Variants in PREP observed in about 807,000 individuals in gnomAD.
PREP encodes the protein dJ355L5.1 (prolyl endopeptidase).
A neutral mutation model predicts 87.6 loss-of-function variants in PREP; 29 were observed. The observed-to-expected ratio is 0.33, with a 90% CI of 0.25 to 0.45. The LOEUF (loss-of-function observed/expected upper bound fraction) is 0.45, where lower values mean the gene tolerates loss of function less well. PREP is among the 20% of genes least tolerant of loss of function. PREP has a pLI of 1.00. For missense variants in PREP, 695 were observed against 886.5 expected, an observed-to-expected ratio of 0.78 and a Z score of 2.74; for synonymous variants, 337 against 328.6, an observed-to-expected ratio of 1.03 and a Z score of -0.28.
At chr6:105,399,806 A>C (rs1773378139) in intron 1 of PREP, among the ~76,000 whole-genome samples, 1 of 152,206 alleles carries the variant, frequency 6.6e-6, no homozygotes, top group African/African-American at 2.4e-5. Context: ...AGCAGGGATA[A>C]GGCTGGGTAA....
intron 9 of PREP, among the ~76,000 whole-genome samples, chr6:105,326,532 G>T (rs1771164308): frequency 6.6e-6 from 1 of 152,196 alleles, no homozygotes; most frequent in Non-Finnish European, 1.5e-5. Context: ...CAGGAAGCTG[G>T]AGCTGCAGTT....
intron 10 of PREP, among the ~76,000 whole-genome samples, chr6:105,308,885 G>GT (rs1156839117): frequency 6.6e-6 from 1 of 152,168 alleles, no homozygotes; most frequent in Non-Finnish European, 1.5e-5. Flanking sequence ...GGAGATACGG[G>GT]TAAGTGAGTG....
chr6:105,342,412 C>T (rs1032724959), intron 7 of PREP, among the ~76,000 whole-genome samples: 4 of 152,158 alleles, frequency 2.6e-5, no homozygotes, highest in African/African-American at 9.7e-5. Flanking sequence ...TATGACAAAT[C>T]CACAACCAAT....
intron 7 of PREP, among the ~76,000 whole-genome samples, chr6:105,337,999 T>TA (rs11341652): frequency 1.4e-4 from 21 of 151,562 alleles, no homozygotes; most frequent in East Asian, 5.8e-4. Flanking sequence ...AACAATGCTT[T>TA]AAAAAAAAAT....
At position 105,372,189 on chromosome 6, in the gene PREP, T is replaced by G. The variant is rs529414345; in HGVS notation, c.595+1180A>C. 2.0e-5 allele frequency among the ~76,000 whole-genome samples: 3 copies of G among 152,026 alleles called. No homozygotes were observed. The East Asian group carries it at 5.8e-4, about 29-fold the overall frequency. ...GAGATGAAAAACACTGTAGCCTTAT[T>G]CTCAATTCAATTGTGGGGGAAAAAA... is the stretch of plus-strand genomic sequence containing the variant. On this transcript the variant is annotated intron_variant, in intron 5 of 14. Transcript: ENST00000652536.
chr6:105,342,934 G>A (rs1202591508), intron 7 of PREP, among the ~76,000 whole-genome samples: 2 of 152,160 alleles, frequency 1.3e-5, no homozygotes, highest in Non-Finnish European at 2.9e-5. Flanking sequence ...TCAATATTGT[G>A]AAAATGGCCA....
chr6:105,376,756 T>C lies in PREP; in HGVS notation c.255-501A>G, dbSNP rs576749751. 4.6e-5 allele frequency among the ~76,000 whole-genome samples: 7 copies of C among 152,290 alleles called. No homozygotes were observed. In the South Asian group the frequency reaches 1.0e-3, roughly 23 times the overall value. ...TGTAGCTGCAGCACAAAAGCAGCTATGGACAATACGTAAACCGATAAGCAT... is the reference window on the plus strand; with the variant it reads ...TGTAGCTGCAGCACAAAAGCAGCTACGGACAATACGTAAACCGATAAGCAT... On this transcript the variant is annotated intron_variant, in intron 3 of 14. Transcript: ENST00000652536.
chr6:105,385,739 T>C (rs1476277673), intron 2 of PREP, among the ~76,000 whole-genome samples: 1 of 152,254 alleles, frequency 6.6e-6, no homozygotes, highest in African/African-American at 2.4e-5. Flanking sequence ...CTTTGCTAAA[T>C]GGCTCAAAAA....
chr6:105,354,784 C>A (rs2114686327), intron 6 of PREP, among the ~76,000 whole-genome samples: 1 of 150,778 alleles, frequency 6.6e-6, no homozygotes, highest in Admixed American at 6.5e-5. Context: ...ATTCCTTAAA[C>A]AAATCCTCTC....
intron 2 of PREP, among the ~76,000 whole-genome samples, chr6:105,383,212 A>G (rs1377395711): frequency 6.6e-6 from 1 of 151,618 alleles, no homozygotes; most frequent in African/African-American, 2.4e-5. Context: ...GGAATAATGT[A>G]CTTTCCAAGG....
intron 7 of PREP, among the ~76,000 whole-genome samples, chr6:105,344,925 C>A (rs1771758448): frequency 6.6e-6 from 1 of 152,184 alleles, no homozygotes; most frequent in South Asian, 2.1e-4. Flanking sequence ...GAAGCATTAA[C>A]CTTAGCCATA....
At chr6:105,347,037 G>A (rs1297140559) in intron 7 of PREP, among the ~76,000 whole-genome samples, 2 of 150,128 alleles carry the variant, frequency 1.3e-5, no homozygotes, top group Non-Finnish European at 2.9e-5. Flanking sequence ...GAGGCGGAAG[G>A]TGCAGAAAAA....
At position 105,281,973 on chromosome 6, in the gene PREP, A is replaced by ATACT. The variant is rs1178907272; in HGVS notation, c.1682-75_1682-72dup. ...ACATCTACATAAACAAGGCAAGGCAATACTTACTTACATGCTTCCAGAGCC... is the reference window on the plus strand; with the variant it reads ...ACATCTACATAAACAAGGCAAGGCAATACTTACTTACTTACATGCTTCCAGAGCC... On this transcript the variant is annotated intron_variant, in intron 13 of 14. Coordinates refer to ENST00000652536, the MANE Select transcript of PREP (RefSeq NM_002726.5). 8.1e-5 allele frequency: 124 copies of ATACT among 1,537,332 alleles called. 1 individual carries two copies. Among genetic ancestry groups the ATACT allele is most frequent in the African/African-American group, 3.7e-4 (27 of 72,484 alleles).
At chr6:105,392,234 T>C (rs911437267) in intron 2 of PREP, among the ~76,000 whole-genome samples, 5 of 151,964 alleles carry the variant, frequency 3.3e-5, no homozygotes, top group Middle Eastern at 3.2e-3. Context: ...CAGATGGGGT[T>C]TCACTGTATT....
intron 10 of PREP, among the ~76,000 whole-genome samples, chr6:105,291,312 G>C (rs749053243): frequency 3.3e-5 from 5 of 152,120 alleles, no homozygotes; most frequent in Non-Finnish European, 7.4e-5. Flanking sequence ...TTCCTTTCAT[G>C]AAGGATTTCT....
chr6:105,280,624 C>T (rs1297712842), intron 14 of PREP: 1 of 151,640 alleles, frequency 6.6e-6, no homozygotes, highest in Non-Finnish European at 1.5e-5. Flanking sequence ...GAGACAGGGT[C>T]TTGGAATGCA....
intron 7 of PREP, among the ~76,000 whole-genome samples, chr6:105,336,170 G>C (rs994676355): frequency 1.3e-5 from 2 of 152,194 alleles, no homozygotes; most frequent in African/African-American, 4.8e-5. Context: ...TGAGGCAAGA[G>C]AATTGCTTGA....
chr6:105,340,433 A>T (rs938359304), intron 7 of PREP, among the ~76,000 whole-genome samples: 15 of 152,214 alleles, frequency 9.9e-5, no homozygotes, highest in Non-Finnish European at 1.8e-4. Context: ...AGACACTGCA[A>T]AAACATGCCA....
At chr6:105,342,143 C>G (rs1771672429) in intron 7 of PREP, among the ~76,000 whole-genome samples, 1 of 152,200 alleles carries the variant, frequency 6.6e-6, no homozygotes, top group South Asian at 2.1e-4. Context: ...CAATGAAATA[C>G]TGGCAAACCG....
Sources: gnomAD v4.1 joint callset for allele counts (sites outside exome capture counted in the v4.1 genomes callset) on GRCh38, gnomAD v4.1.1 for gene constraint, MANE v1.5 for transcripts, NCBI Gene and HGNC (gene_info 2026-07-23, HGNC 2026-07-21) for gene names.